Variants in RCC2 observed in about 807,000 individuals in gnomAD.
RCC2 encodes regulator of chromosome condensation 2, also known as protein RCC2.
Under a neutral mutation model 64.1 loss-of-function variants are expected in RCC2, and 19 were observed. That is an observed-to-expected ratio of 0.30 (90% confidence interval 0.21 to 0.44). The LOEUF (loss-of-function observed/expected upper bound fraction) is 0.44. Ranked by LOEUF, RCC2 falls within the 20% of genes least tolerant of loss-of-function variation. The pLI is 1.00. For synonymous variants in RCC2, 325 were observed against 279.6 expected (o/e 1.16, Z -1.62); for missense variants, 508 against 710.4 (o/e 0.72, Z 3.24).
chr1:17,413,357 G>A (rs2075447695), intron 9 of RCC2, among the ~76,000 whole-genome samples, 179 bp from the exon 10 acceptor site: 1 of 152,192 alleles, frequency 6.6e-6, no homozygotes. Context: ...CGCTGTGGTG[G>A]TAGGACTGCT....
chr1:17,417,263 C>T (rs746020654), intron 7 of RCC2, among the ~76,000 whole-genome samples: 21 of 152,338 alleles, frequency 1.4e-4, no homozygotes, highest in Non-Finnish European at 2.6e-4. Flanking sequence ...ACCAGAAGCC[C>T]GGCTGCTCCA....
At chr1:17,416,382 A>G (rs1278061081) in intron 8 of RCC2, 98 bp downstream of exon 8, 1 of 1,337,012 alleles carries the variant, frequency 7.5e-7, no homozygotes, top group Non-Finnish European at 1.0e-6. Flanking sequence ...TCTACCTGGG[A>G]TCAGTTCCTA....
chr1:17,429,103 T>C lies in RCC2; in HGVS notation c.379+3A>G. On this transcript the variant is annotated splice_donor_region_variant and intron_variant, in intron 3 of 12. Coordinates refer to ENST00000375436, the MANE Select transcript of RCC2 (RefSeq NM_018715.4). ...ATGGGTTTTTGAGGCACCATTCTCATACCTTGCTGTTTAGGCACTTCTTTT... is the reference window on the plus strand; with the variant it reads ...ATGGGTTTTTGAGGCACCATTCTCACACCTTGCTGTTTAGGCACTTCTTTT... The C allele has an allele frequency of 6.2e-7, 1 of 1,612,840 alleles. No homozygotes were observed. Among genetic ancestry groups the C allele is most frequent in the Non-Finnish European group, 8.5e-7 (1 of 1,178,812 alleles).
In RCC2 at chr1:17,422,276, A is replaced by G. The variant is rs756246447; in HGVS notation, c.671T>C (p.Phe224Ser). 2 of 1,611,574 alleles carry G rather than the reference A, an allele frequency of 1.2e-6. No individual in the cohort carries two copies. Among genetic ancestry groups the G allele is most frequent in the Non-Finnish European group, 1.7e-6 (2 of 1,179,648 alleles). ...CCCCATCTTGTTTTCCCCAAACGCAAACACGGAGCCCGTTTCTGGAAGAAA... is the reference window on the plus strand; with the variant it reads ...CCCCATCTTGTTTTCCCCAAACGCAGACACGGAGCCCGTTTCTGGAAGAAA... ...TLALTETGSV[F>S]AFGENKMGQL... The change falls in exon 6 of 13, where the codon TTT becomes TCT. Residue 224 changes from phenylalanine to serine, a missense_variant. Coordinates refer to ENST00000375436, the MANE Select transcript of RCC2 (RefSeq NM_018715.4).
rs772519042 is a variant in RCC2 at position 17,422,219 on chromosome 1, A to T, written c.728T>A (p.Val243Asp). 5.6e-6 allele frequency: 9 copies of T among 1,612,092 alleles called. No individual in the cohort carries two copies. The highest frequency in any genetic ancestry group is 7.6e-6 in the Non-Finnish European group (9 of 1,179,428). Reference sequence around the variant, plus strand: ...AGGGGTCACCTGCGCGGGGCTGGGAACAGCGTCTGTCTGGTTGCCAAGGCC... The same window carrying T: ...AGGGGTCACCTGCGCGGGGCTGGGATCAGCGTCTGTCTGGTTGCCAAGGCC... ...QLGLGNQTDA[V>D]PSPAQIMYNG... Residue 243 changes from valine (V) to aspartate (D), a missense_variant, in exon 6 of 13, where the codon GTT (valine) becomes GAT (aspartate). By Grantham distance (152) the Val-to-Asp change is radical (BLOSUM62 -3). Around this residue, in one of 4 missense-constraint regions of RCC2, gnomAD observed 132 missense variants for 207.3 expected, o/e 0.64. Coordinates refer to ENST00000375436, the MANE Select transcript of RCC2 (RefSeq NM_018715.4).
At chr1:17,420,673 A>G (rs1161481935) in intron 7 of RCC2, 41 bp downstream of exon 7, 1 of 1,281,764 alleles carries the variant, frequency 7.8e-7, no homozygotes, top group Non-Finnish European at 1.1e-6. Flanking sequence ...CTGAATATAT[A>G]CAGTTAGATT....
intron 2 of RCC2, among the ~76,000 whole-genome samples, chr1:17,432,592 G>C (rs2075693565): frequency 6.6e-6 from 1 of 152,248 alleles, no homozygotes; most frequent in African/African-American, 2.4e-5. Context: ...AAACTTCACA[G>C]TGCTGAGGCC....
At chr1:17,434,019 C>T (rs777506867) in intron 2 of RCC2, among the ~76,000 whole-genome samples, 1 of 152,228 alleles carries the variant, frequency 6.6e-6, no homozygotes, top group Admixed American at 6.5e-5. Flanking sequence ...ACCTGGGCAG[C>T]TTGCAACACT....
intron 2 of RCC2, among the ~76,000 whole-genome samples, chr1:17,431,383 T>C (rs1215857263): frequency 3.9e-5 from 4 of 103,796 alleles, no homozygotes; most frequent in Admixed American, 3.5e-4. Flanking sequence ...TATATATATG[T>C]GGGCTGGGTG....
intron 2 of RCC2, among the ~76,000 whole-genome samples, chr1:17,437,649 C>A (rs982734155): frequency 7.2e-4 from 3 of 4,182 alleles, no homozygotes; most frequent in African/African-American, 6.9e-3. Flanking sequence ...GGGGCTTCCC[C>A]GACCTCGGGG....
At chr1:17,416,329 C>CT in intron 8 of RCC2, 151 bp downstream of exon 8, 5 of 800,152 alleles carry the variant, frequency 6.2e-6, no homozygotes, top group Non-Finnish European at 9.7e-6. Flanking sequence ...ACCAAGGACC[C>CT]TTTGGCCAAG....
chr1:17,438,568 A>T, intron 1 of RCC2, 46 bp from the exon 2 acceptor site: 1 of 1,282,710 alleles, frequency 7.8e-7, no homozygotes, highest in African/African-American at 1.5e-5. Flanking sequence ...CGGGTTATAA[A>T]CTGCGCGGGG....
At chr1:17,431,800 T>G (rs2075684747) in intron 2 of RCC2, among the ~76,000 whole-genome samples, 1 of 151,720 alleles carries the variant, frequency 6.6e-6, no homozygotes, top group African/African-American at 2.4e-5. Flanking sequence ...GCAGTCCTCA[T>G]GAAAAGGGGA....
At position 17,425,650 on chromosome 1, in the gene RCC2, C is replaced by A; in HGVS notation, c.414G>T (p.Gly138=). 1 of 1,613,392 alleles carries A rather than the reference C, an allele frequency of 6.2e-7. No homozygotes were observed. The highest frequency in any genetic ancestry group is 8.5e-7 in the Non-Finnish European group (1 of 1,179,420). ...CCGCCAGGCACCCATATCTGTGGGGCCCCCACAAATTCTGACCGAGATTGC... is the reference window on the plus strand; with the variant it reads ...CCGCCAGGCACCCATATCTGTGGGGACCCCACAAATTCTGACCGAGATTGC... ...AYRNLGQNLW[G]PHRYGCLAGV... Residue 138 remains glycine, a synonymous_variant, in exon 4 of 13, where the codon GGG becomes GGT. Transcript: ENST00000375436.
intron 12 of RCC2, 107 bp from the exon 13 acceptor site, chr1:17,409,301 A>C (rs2075400045): frequency 4.0e-6 from 3 of 751,874 alleles, no homozygotes. Flanking sequence ...ATGGAGAAAA[A>C]CAGAGTGCCC....
In RCC2 at chr1:17,422,220, C is replaced by T. The variant is rs776006994; in HGVS notation, c.727G>A (p.Val243Ile). 8.7e-6 allele frequency: 14 copies of T among 1,612,060 alleles called. 1 individual carries two copies. In the South Asian group the frequency reaches 1.4e-4, roughly 16 times the overall value. Residue 243 changes from valine (V) to isoleucine (I), a missense_variant, in exon 6 of 13, where the codon GTT becomes ATT. Transcript: ENST00000375436. The part of the protein sequence containing the change: ...QLGLGNQTDA[V>I]PSPAQIMYNG... ...GGGGTCACCTGCGCGGGGCTGGGAA[C>T]AGCGTCTGTCTGGTTGCCAAGGCCC...
intron 8 of RCC2, 137 bp from the exon 9 acceptor site, chr1:17,413,854 C>G: frequency 1.2e-6 from 1 of 800,624 alleles, no homozygotes; most frequent in Non-Finnish European, 2.0e-6. Context: ...CCCTACCAGC[C>G]GGGCACGGTG....
At chr1:17,414,140 GTTTA>G (rs2075455847) in intron 8 of RCC2, among the ~76,000 whole-genome samples, 1 of 152,132 alleles carries the variant, frequency 6.6e-6, no homozygotes. Flanking sequence ...TTTTTGTTCT[GTTTA>G]TTTATTTAAG....
rs143050804 is a variant in RCC2 at position 17,436,918 on chromosome 1, G to C, written c.285+1312C>G. ...TGTGTTCCAGTTTCTCAATACTTTG[G>C]CCATTGTCTAGTCTAGCCTGATCCA... is the stretch of plus-strand genomic sequence containing the variant. On this transcript the variant is annotated intron_variant, in intron 2 of 12. Transcript: ENST00000375436. Among the ~76,000 whole-genome samples, 3 of 152,286 alleles carry C rather than the reference G, an allele frequency of 2.0e-5. No homozygotes were observed. The South Asian group carries it at 6.2e-4, about 32-fold the overall frequency.
Sources: gnomAD v4.1 joint callset for allele counts (sites outside exome capture counted in the v4.1 genomes callset) on GRCh38, gnomAD v4.1.1 for gene constraint, gnomAD v4.1.1 regional missense constraint, MANE v1.5 for transcripts, NCBI Gene and HGNC (gene_info 2026-07-23, HGNC 2026-07-21) for gene names.